MARCHF3: variants seen among roughly 807,000 people sequenced by gnomAD.
MARCHF3 encodes the protein E3 ubiquitin-protein ligase MARCHF3.
In MARCHF3, 13 loss-of-function variants were observed where a neutral mutation model predicts 24.2. The observed-to-expected ratio is 0.54, with a 90% confidence interval of 0.35 to 0.85. MARCHF3 has a LOEUF of 0.85. Ranked by LOEUF, MARCHF3 falls within the 40% of genes least tolerant of loss-of-function variation. The pLI, the probability that MARCHF3 is intolerant of heterozygous loss-of-function variation, is 0.01. For synonymous variants in MARCHF3, 144 were observed against 137.3 expected (o/e 1.05, Z -0.34); for missense variants, 276 against 325.0 (o/e 0.85, Z 1.16).
At chr5:126,984,406 G>A (rs1335477233) in intron 1 of MARCHF3, among the ~76,000 whole-genome samples, 1 of 152,126 alleles carries the variant, frequency 6.6e-6, no homozygotes, top group Non-Finnish European at 1.5e-5. Flanking sequence ...CCAGCCAAGG[G>A]GGTAGTATAC....
chr5:127,017,665 T>C (rs1323206555), intron 1 of MARCHF3, among the ~76,000 whole-genome samples: 1 of 152,186 alleles, frequency 6.6e-6, no homozygotes, highest in East Asian at 1.9e-4. Context: ...AGAATGGTTG[T>C]ATGGGTACCA....
chr5:126,895,564 C>T (rs1238051406), intron 3 of MARCHF3, among the ~76,000 whole-genome samples: 4 of 152,056 alleles, frequency 2.6e-5, no homozygotes. Flanking sequence ...TGTTGGAATA[C>T]CCTGCAGTGT....
intron 1 of MARCHF3, among the ~76,000 whole-genome samples, chr5:126,943,242 C>T (rs6869482): frequency 0.011 from 1,698 of 151,978 alleles, 37 homozygotes; most frequent in African/African-American, 0.039. Context: ...TGCAGTGAGC[C>T]GAGATTGTGC....
At chr5:126,998,597 G>T (rs1410924651) in intron 1 of MARCHF3, among the ~76,000 whole-genome samples, 1 of 152,192 alleles carries the variant, frequency 6.6e-6, no homozygotes, top group Non-Finnish European at 1.5e-5. Context: ...CTCACGCTGG[G>T]GAGAACAGGC....
chr5:126,981,038 GA>G (rs1184709288), intron 1 of MARCHF3, among the ~76,000 whole-genome samples: 1 of 152,170 alleles, frequency 6.6e-6, no homozygotes, highest in African/African-American at 2.4e-5. Context: ...TCAGCCTGGT[GA>G]GCACTGACAC....
At chr5:127,026,918 T>C (rs1174961681) in intron 1 of MARCHF3, among the ~76,000 whole-genome samples, 1 of 152,242 alleles carries the variant, frequency 6.6e-6, no homozygotes, top group East Asian at 1.9e-4. Flanking sequence ...CACATCCTTT[T>C]GTTATCAGGA....
Position 126,872,352 on chromosome 5 carries a change from G to C in MARCHF3, c.604-1561C>G, listed in dbSNP as rs1436315157. Among the ~76,000 whole-genome samples, 5 of 152,268 alleles carry C rather than the reference G, an allele frequency of 3.3e-5. No homozygotes were observed. In the East Asian group the frequency reaches 9.7e-4, roughly 29 times the overall value. On this transcript the variant is annotated intron_variant, in intron 4 of 4. Transcript: ENST00000308660. ...TGGGATTACAGGCGTGAACCATGGT[G>C]CCCGGCCAAGGTGCTTGCTTTTTAT...
At chr5:126,996,545 A>AG (rs1561465251) in intron 1 of MARCHF3, among the ~76,000 whole-genome samples, 3 of 151,674 alleles carry the variant, frequency 2.0e-5, no homozygotes. Context: ...GAAAAAAAAA[A>AG]AAAGAAAGGG....
intron 3 of MARCHF3, among the ~76,000 whole-genome samples, chr5:126,901,635 T>C (rs1439612506): frequency 2.0e-5 from 3 of 152,148 alleles, no homozygotes; most frequent in African/African-American, 7.2e-5. Context: ...TAAAAGTCAG[T>C]TGTTGACACT....
intron 1 of MARCHF3, among the ~76,000 whole-genome samples, chr5:127,000,191 C>T (rs970713648): frequency 1.3e-5 from 2 of 152,040 alleles, no homozygotes; most frequent in African/African-American, 4.8e-5. Context: ...GCATGGCTCC[C>T]TGCTAATCAA....
At chr5:127,003,778 T>C (rs1752216876) in intron 1 of MARCHF3, among the ~76,000 whole-genome samples, 1 of 152,178 alleles carries the variant, frequency 6.6e-6, no homozygotes, top group Non-Finnish European at 1.5e-5. Flanking sequence ...TAGTGAATTA[T>C]GTGTCATGAG....
At chr5:126,985,405 T>C (rs1751528491) in intron 1 of MARCHF3, among the ~76,000 whole-genome samples, 1 of 151,654 alleles carries the variant, frequency 6.6e-6, no homozygotes, top group Admixed American at 6.6e-5. Context: ...ATATGATGGG[T>C]TTAATTTGAT....
chr5:127,014,615 T>C (rs1752576181), intron 1 of MARCHF3, among the ~76,000 whole-genome samples: 1 of 152,208 alleles, frequency 6.6e-6, no homozygotes, highest in African/African-American at 2.4e-5. Flanking sequence ...AATGGAATAC[T>C]ATCCAGCCTT....
chr5:127,000,147 C>T (rs958401556), intron 1 of MARCHF3, among the ~76,000 whole-genome samples: 6 of 151,876 alleles, frequency 4.0e-5, no homozygotes, highest in African/African-American at 1.2e-4. Flanking sequence ...ATTTAACCAA[C>T]CTTCGTTTGC....
At chr5:126,916,644 A>G (rs1204704048) in intron 2 of MARCHF3, among the ~76,000 whole-genome samples, 2 of 148,628 alleles carry the variant, frequency 1.3e-5, no homozygotes, top group Non-Finnish European at 3.0e-5. Context: ...GGTTTACAGT[A>G]CCGCATGGTG....
At chr5:126,916,692 GAC>G (rs34090036) in intron 2 of MARCHF3, among the ~76,000 whole-genome samples, 4,740 of 130,474 alleles carry the variant, frequency 0.036, 97 homozygotes, top group Admixed American at 0.048. Flanking sequence ...CAGACAGACA[GAC>G]ACACACACAC....
chr5:126,914,091 C>T (rs1212324526), intron 3 of MARCHF3, among the ~76,000 whole-genome samples: 3 of 145,878 alleles, frequency 2.1e-5, no homozygotes, highest in Admixed American at 1.4e-4. Flanking sequence ...TCTTGCCATT[C>T]TCCTGCCTCA....
chr5:127,001,630 T>C (rs932838649), intron 1 of MARCHF3, among the ~76,000 whole-genome samples: 11 of 152,226 alleles, frequency 7.2e-5, no homozygotes, highest in Non-Finnish European at 2.9e-5. Context: ...CTTGAAATCA[T>C]ATACTTCTTT....
At chr5:126,894,924 C>T (rs1753821618) in intron 3 of MARCHF3, among the ~76,000 whole-genome samples, 1 of 151,850 alleles carries the variant, frequency 6.6e-6, no homozygotes. Flanking sequence ...TGGTTCCATT[C>T]TCCCCATCAC....
Sources: gnomAD v4.1 joint callset for allele counts (sites outside exome capture counted in the v4.1 genomes callset) on GRCh38, gnomAD v4.1.1 for gene constraint, MANE v1.5 for transcripts, NCBI Gene and HGNC (gene_info 2026-07-23, HGNC 2026-07-21) for gene names.